The following ARHGAP32 variants were observed in gnomAD, a reference collection of about 807,000 sequenced individuals.
ARHGAP32 encodes the protein rho GTPase-activating protein 32.
A neutral mutation model predicts 186.5 loss-of-function variants in ARHGAP32; 51 were observed. That is an observed-to-expected ratio of 0.27 (90% CI 0.22 to 0.35). The LOEUF (loss-of-function observed/expected upper bound fraction) is 0.35, where lower values mean the gene tolerates loss of function less well. Ranked by LOEUF, ARHGAP32 falls within the 10% of genes least tolerant of loss-of-function variation. The probability of loss-of-function intolerance (pLI) is 1.00; values close to 1 mark genes in which losing one functional copy is unlikely to be tolerated. For missense variants in ARHGAP32, 2,186 were observed against 2,623.5 expected, an observed-to-expected ratio of 0.83 and a Z score of 3.64; for synonymous variants, 950 against 964.3, an observed-to-expected ratio of 0.99 and a Z score of 0.27.
At position 129,142,265 on chromosome 11, in the gene ARHGAP32, C is replaced by T. The variant is rs543315881; in HGVS notation, c.226-17371G>A. Among the ~76,000 whole-genome samples the T allele has an allele frequency of 7.2e-5, 11 of 152,264 alleles. No individual in the cohort carries two copies. In the South Asian group the frequency reaches 2.3e-3, roughly 32 times the overall value. Reference sequence around the variant, plus strand: ...CCATTTGCCAAACCGAGCCAAAAGCCTGCTGGCAAAGGAGCCTGAGAAATG... The same window carrying T: ...CCATTTGCCAAACCGAGCCAAAAGCTTGCTGGCAAAGGAGCCTGAGAAATG... On this transcript the variant is annotated intron_variant, in intron 2 of 22. Coordinates refer to ENST00000682385, the MANE Select transcript of ARHGAP32 (RefSeq NM_001378024.1).
At chr11:129,144,751 C>G (rs10893979) in intron 2 of ARHGAP32, among the ~76,000 whole-genome samples, 41,130 of 152,002 alleles carry the variant, frequency 0.27, 5,910 homozygotes, top group South Asian at 0.5. Flanking sequence ...GATGAGAAGA[C>G]TGAAGGAAAA....
intron 1 of ARHGAP32, among the ~76,000 whole-genome samples, chr11:129,226,085 T>C (rs1228912651): frequency 6.6e-6 from 1 of 152,086 alleles, no homozygotes; most frequent in Non-Finnish European, 1.5e-5. Context: ...ATAGGTCAAT[T>C]GAGATTATCT....
intron 1 of ARHGAP32, among the ~76,000 whole-genome samples, chr11:129,177,927 G>A (rs1219037337): frequency 1.3e-5 from 2 of 152,144 alleles, no homozygotes; most frequent in South Asian, 2.1e-4. Flanking sequence ...ACATAGTGTT[G>A]GAAGTTCTGG....
chr11:129,215,384 G>C (rs1944632742), intron 1 of ARHGAP32, among the ~76,000 whole-genome samples: 1 of 152,066 alleles, frequency 6.6e-6, no homozygotes, highest in Non-Finnish European at 1.5e-5. Flanking sequence ...CTTTGATCAT[G>C]GTATTAGTTT....
rs774366892 is a variant in ARHGAP32 at position 128,969,340 on chromosome 11, A to G, written c.5873T>C (p.Leu1958Pro). 43 of 1,614,064 alleles carry G rather than the reference A, an allele frequency of 2.7e-5. No individual in the cohort carries two copies. Among genetic ancestry groups the G allele is most frequent in the Non-Finnish European group, 3.6e-5 (42 of 1,180,028 alleles). The part of the protein sequence containing the change: ...SLRLNHKEVR[L>P]SKEMERPWVR... The stretch of plus-strand genomic sequence containing the variant: ...CCAGGGTCGCTCCATCTCTTTGGAG[A>G]GCCTTACCTCTTTGTGGTTCAGTCT... Residue 1958 changes from leucine to proline, a missense_variant, in exon 23 of 23, where the codon CTC becomes CCC. By Grantham distance (98) the Leu-to-Pro change is moderately conservative. This residue lies in a region of ARHGAP32 where 1,502 missense variants were observed against 1,570.0 expected (regional missense o/e 0.96). Transcript: ENST00000682385. This position sits in a 1 kb window ranked among gnomAD's most constrained non-coding sequence, Gnocchi z 4.8.
intron 10 of ARHGAP32, among the ~76,000 whole-genome samples, chr11:129,051,863 G>C (rs544664356): frequency 6.9e-4 from 104 of 150,636 alleles, no homozygotes; most frequent in African/African-American, 2.4e-3. Context: ...GCTGAAGTGG[G>C]AGAATCGCTT....
intron 10 of ARHGAP32, among the ~76,000 whole-genome samples, chr11:129,057,876 A>C (rs2135116319): frequency 6.6e-6 from 1 of 152,288 alleles, no homozygotes; most frequent in South Asian, 2.1e-4. Flanking sequence ...GGATTAGGAC[A>C]CAGACAAACA....
At chr11:129,027,954 G>C (rs1170941666) in intron 11 of ARHGAP32, among the ~76,000 whole-genome samples, 1 of 152,150 alleles carries the variant, frequency 6.6e-6, no homozygotes, top group Non-Finnish European at 1.5e-5. Flanking sequence ...ATGGCCAAAA[G>C]CGGAAAAGCC....
At chr11:129,103,272 T>C (rs1941952183) in intron 5 of ARHGAP32, among the ~76,000 whole-genome samples, 1 of 152,088 alleles carries the variant, frequency 6.6e-6, no homozygotes, top group Non-Finnish European at 1.5e-5. Flanking sequence ...ATTTTTTGTA[T>C]CAGATTTTAA....
chr11:129,051,953 C>CAAAA (rs36014500), intron 10 of ARHGAP32, among the ~76,000 whole-genome samples: 1 of 71,138 alleles, frequency 1.4e-5, no homozygotes, highest in Admixed American at 1.8e-4. Context: ...GATTCTGTCT[C>CAAAA]AAAAAAAAAA....
rs188536605 is a variant in ARHGAP32 at position 129,031,054 on chromosome 11, G to C, written c.1045+9874C>G. On this transcript the variant is annotated intron_variant, in intron 11 of 22. Transcript: ENST00000682385. ...TGCCATGCTTCCTGGACAGCCTGCA[G>C]AACTGTGAGCCAATTAAACCTCTTT... Among the ~76,000 whole-genome samples the C allele has an allele frequency of 3.2e-3, 485 of 152,298 alleles. 2 individuals are homozygous for C. The highest frequency in any genetic ancestry group is 0.016 in the South Asian group (79 of 4,822).
In ARHGAP32 at chr11:129,123,876, AC is replaced by A; in HGVS notation, c.359+11del. 2 of 1,298,490 alleles carry A rather than the reference AC, an allele frequency of 1.5e-6. No homozygotes were observed. The highest frequency in any genetic ancestry group is 2.0e-6 in the Non-Finnish European group (2 of 995,116). The allele number at this position is 1,298,490 out of a possible 1,614,324, so 80.4% of individuals were successfully genotyped here. ...AAGCATTCCCAACACAAAGTAGAAA[AC>A]CAGATTTTACCTGTGAATGTTGTCA... On this transcript the variant is annotated intron_variant, in intron 4 of 22. Coordinates refer to ENST00000682385, the MANE Select transcript of ARHGAP32 (RefSeq NM_001378024.1). This position sits in a 1 kb window ranked among gnomAD's most constrained non-coding sequence, Gnocchi z 4.6.
At chr11:129,079,834 C>A (rs1392596555) in intron 6 of ARHGAP32, among the ~76,000 whole-genome samples, 4 of 152,116 alleles carry the variant, frequency 2.6e-5, no homozygotes, top group Non-Finnish European at 5.9e-5. Context: ...ATTCACCAAC[C>A]AAGTATCTGC....
chr11:129,195,200 G>C (rs919219387), upstream of ARHGAP32, among the ~76,000 whole-genome samples: 2 of 151,402 alleles, frequency 1.3e-5, no homozygotes, highest in East Asian at 3.9e-4. Flanking sequence ...GGCTGGTCTC[G>C]AACTCCTGAT....
chr11:129,108,675 T>C (rs1473318710), intron 5 of ARHGAP32, among the ~76,000 whole-genome samples: 2 of 152,182 alleles, frequency 1.3e-5, no homozygotes, highest in Admixed American at 6.5e-5. Context: ...TATTTTGTTG[T>C]TGAGTTGTAA....
chr11:128,974,051 A>G (rs1945472070), intron 21 of ARHGAP32, 73 bp downstream of exon 21: 4 of 1,534,610 alleles, frequency 2.6e-6, no homozygotes, highest in Non-Finnish European at 3.5e-6. Context: ...TTCTCTCTTA[A>G]AAGGCACAGA....
At chr11:129,036,355 G>A (rs1939336710) in intron 11 of ARHGAP32, among the ~76,000 whole-genome samples, 2 of 136,226 alleles carry the variant, frequency 1.5e-5, no homozygotes, top group East Asian at 2.1e-4. Context: ...ACTCCAGCCT[G>A]GGCAACAAGA....
At chr11:129,084,732 G>C (rs1280269055) in intron 6 of ARHGAP32, among the ~76,000 whole-genome samples, 1 of 152,028 alleles carries the variant, frequency 6.6e-6, no homozygotes, top group Non-Finnish European at 1.5e-5. Context: ...AAACTCTCCC[G>C]CTTGGATCAA....
At chr11:129,193,555 T>TA (rs1218234787), upstream of ARHGAP32, among the ~76,000 whole-genome samples, 134 of 13,456 alleles carry the variant, frequency 1.0e-2, 7 homozygotes, top group African/African-American at 0.069. Flanking sequence ...ATATAATATA[T>TA]ATATATTATA....
Sources: gnomAD v4.1 joint callset for allele counts (sites outside exome capture counted in the v4.1 genomes callset) on GRCh38, gnomAD v4.1.1 for gene constraint, gnomAD v4.1.1 regional missense constraint, Gnocchi (gnomAD v3.1) non-coding constraint, MANE v1.5 for transcripts, NCBI Gene and HGNC (gene_info 2026-07-23, HGNC 2026-07-21) for gene names.